Variants in SPRYD3 observed in about 807,000 individuals in gnomAD.
SPRYD3 encodes the protein SPRY domain-containing protein 3.
In SPRYD3, 17 loss-of-function variants were observed where a neutral mutation model predicts 50.1. That is an observed-to-expected ratio of 0.34 (90% CI 0.23 to 0.51). The LOEUF (loss-of-function observed/expected upper bound fraction) is 0.51, where lower values mean the gene tolerates loss of function less well. SPRYD3 is among the 20% of genes least tolerant of loss of function. The pLI, the probability that SPRYD3 is intolerant of heterozygous loss-of-function variation, is 0.97. For missense variants in SPRYD3, 401 were observed against 591.2 expected (o/e 0.68, Z 3.34); for synonymous variants, 198 against 215.5 (o/e 0.92, Z 0.71).
chr12:53,077,102 C>T lies in SPRYD3; in HGVS notation c.170+13G>A. 6.2e-7 allele frequency: 1 copy of T among 1,613,346 alleles called. No homozygotes were observed. ...ACAGAGAAGAAAATGTGGAAGCATT[C>T]TCCTGAACTCACCTTAAAGTATCTC... On this transcript the variant is annotated intron_variant, in intron 2 of 10. Coordinates refer to ENST00000301463, the MANE Select transcript of SPRYD3 (RefSeq NM_032840.3).
intron 6 of SPRYD3, 102 bp downstream of exon 6, chr12:53,073,184 C>T (rs1370222888): frequency 1.3e-5 from 10 of 757,310 alleles, no homozygotes; most frequent in East Asian, 5.5e-5. Flanking sequence ...GACACTGTCC[C>T]GACTCCCCAT....
intron 10 of SPRYD3, 75 bp from the exon 11 acceptor site, chr12:53,066,041 G>A: frequency 1.9e-6 from 3 of 1,539,306 alleles, no homozygotes; most frequent in Non-Finnish European, 1.8e-6. Flanking sequence ...AGCTCCACAG[G>A]CCTGAACCCC....
At chr12:53,071,915 GAAAA>G (rs1415553408) in intron 6 of SPRYD3, among the ~76,000 whole-genome samples, 5 of 151,916 alleles carry the variant, frequency 3.3e-5, no homozygotes, top group Non-Finnish European at 2.9e-5. Flanking sequence ...GTCTAAAAAA[GAAAA>G]ACACTCTTAA....
At chr12:53,073,259 C>CCGGGGGGGGGGGGGGGGGGGGG in intron 6 of SPRYD3, 27 bp downstream of exon 6, 15 of 400,920 alleles carry the variant, frequency 3.7e-5, no homozygotes, top group East Asian at 1.1e-4. Flanking sequence ...CGACCCAGCC[C>CCGGGGGGGGGGGGGGGGGGGGG]CTCCCACCCT....
At chr12:53,079,286 G>A in intron 1 of SPRYD3, 25 bp downstream of exon 1, 5 of 1,600,584 alleles carry the variant, frequency 3.1e-6, no homozygotes, top group Non-Finnish European at 3.4e-6. Flanking sequence ...AGGCCTCCGG[G>A]ACCCCGCCCC....
chr12:53,065,502 C>T lies in SPRYD3; in HGVS notation c.*330G>A, dbSNP rs969989930. 2.8e-5 allele frequency: 8 copies of T among 287,084 alleles called. No homozygotes were observed. Among genetic ancestry groups the T allele is most frequent in the Admixed American group, 1.4e-4 (3 of 21,384 alleles). The allele number at this position is 287,084 out of a possible 1,614,324, so 17.8% of individuals were successfully genotyped here. A position where few individuals can be genotyped will look rare whatever the true frequency, so the allele number is the denominator to read the frequency against. On this transcript the variant is annotated 3_prime_UTR_variant, in exon 11 of 11. Coordinates refer to ENST00000301463, the MANE Select transcript of SPRYD3 (RefSeq NM_032840.3). ...AATAGCAGCTGAGATAGGGTGCTCA[C>T]GCCTCTCCACCCACACAGGGCCGGT...
chr12:53,078,458 C>T (rs963468838), intron 1 of SPRYD3, among the ~76,000 whole-genome samples: 1 of 149,172 alleles, frequency 6.7e-6, no homozygotes, highest in Non-Finnish European at 1.5e-5. Flanking sequence ...CACTGCACTC[C>T]AGCCTGGGTG....
Position 53,066,535 on chromosome 12 carries a change from C to T in SPRYD3, c.1021+38G>A, listed in dbSNP as rs368922837. The T allele has an allele frequency of 1.1e-4, 170 of 1,613,990 alleles. No homozygotes were observed. In the African/African-American group the frequency reaches 2.0e-3, roughly 19 times the overall value. On this transcript the variant is annotated intron_variant, in intron 9 of 10. Coordinates refer to ENST00000301463, the MANE Select transcript of SPRYD3 (RefSeq NM_032840.3). ...TCCTGTGGTGCCTTTCCACCCTCGG[C>T]CCCAAGCAGCCTGGCTGGCCACCCC...
chr12:53,078,896 T>C (rs1397714691), intron 1 of SPRYD3, among the ~76,000 whole-genome samples: 1 of 152,184 alleles, frequency 6.6e-6, no homozygotes, highest in Non-Finnish European at 1.5e-5. Flanking sequence ...TCTTATGCAG[T>C]AGCTACAACC....
rs761904869 is a variant in SPRYD3, at chr12:53,079,365, T to C, written c.-32A>G. 1.9e-5 allele frequency: 30 copies of C among 1,598,206 alleles called. No individual in the cohort carries two copies. Among genetic ancestry groups the C allele is most frequent in the Non-Finnish European group, 2.3e-5 (27 of 1,173,110 alleles). ...GCCTCTCAGCTCCGCACACAAGCTCTTCGGCCGCCGCCACCACACACATCC... is the reference window on the plus strand; with the variant it reads ...GCCTCTCAGCTCCGCACACAAGCTCCTCGGCCGCCGCCACCACACACATCC... On this transcript the variant is annotated 5_prime_UTR_variant, in exon 1 of 11. Coordinates refer to ENST00000301463, the MANE Select transcript of SPRYD3 (RefSeq NM_032840.3).
At chr12:53,071,992 C>T (rs969769553) in intron 6 of SPRYD3, among the ~76,000 whole-genome samples, 1 of 152,098 alleles carries the variant, frequency 6.6e-6, no homozygotes, top group East Asian at 1.9e-4. Context: ...TAAATGTCTA[C>T]AGGATTCTGC....
rs562296488 is a variant in SPRYD3, at chr12:53,074,308, T to C, written c.507+341A>G. The stretch of plus-strand genomic sequence containing the variant: ...TCAAAACCCAAAGAGGACCTCCAGC[T>C]TACATGGCCAGGCCATAATCTTCCC... On this transcript the variant is annotated intron_variant, in intron 5 of 10. Coordinates refer to ENST00000301463, the MANE Select transcript of SPRYD3 (RefSeq NM_032840.3). The surrounding 1 kb of genome is among the most constrained non-coding windows in gnomAD (Gnocchi z 4.6). Among the ~76,000 whole-genome samples, 7 of 152,224 alleles carry C rather than the reference T, an allele frequency of 4.6e-5. No homozygotes were observed. Among genetic ancestry groups the C allele is most frequent in the Non-Finnish European group, 8.8e-5 (6 of 68,036 alleles).
In SPRYD3 at chr12:53,064,417, C is replaced by T. The variant is rs1369957428; in HGVS notation, c.*1415G>A. 1 of 154,854 alleles carries T rather than the reference C, an allele frequency of 6.5e-6. No homozygotes were observed. Among genetic ancestry groups the T allele is most frequent in the Admixed American group, 6.4e-5 (1 of 15,680 alleles). 9.6% of individuals were successfully genotyped at this position (154,854 alleles called of 1,614,324 possible). A position where few individuals can be genotyped will look rare whatever the true frequency, so the allele number is the denominator to read the frequency against. On this transcript the variant is annotated 3_prime_UTR_variant, in exon 11 of 11. Transcript: ENST00000301463. Reference sequence around the variant, plus strand: ...CTTATTCACAGGAAGGTCAAAGCCTCATCTCCCAGGGGACGTATCTGTGCT... The same window carrying T: ...CTTATTCACAGGAAGGTCAAAGCCTTATCTCCCAGGGGACGTATCTGTGCT...
At chr12:53,077,394 T>C in intron 1 of SPRYD3, 133 bp from the exon 2 acceptor site, 1 of 847,202 alleles carries the variant, frequency 1.2e-6, no homozygotes, top group Non-Finnish European at 1.8e-6. Flanking sequence ...AACCCTCATC[T>C]TCTTTCTTCC....
chr12:53,076,813 G>A (rs187385171), intron 2 of SPRYD3, among the ~76,000 whole-genome samples: 1 of 152,280 alleles, frequency 6.6e-6, no homozygotes, highest in Admixed American at 6.5e-5. Context: ...GCCGTATGTG[G>A]TGGTGCACGC....
intron 6 of SPRYD3, among the ~76,000 whole-genome samples, chr12:53,072,208 G>A (rs1944554848): frequency 6.6e-6 from 1 of 152,172 alleles, no homozygotes; most frequent in Non-Finnish European, 1.5e-5. Flanking sequence ...GAGAGTCACG[G>A]AGTGGGCATC....
intron 6 of SPRYD3, among the ~76,000 whole-genome samples, chr12:53,070,643 G>A (rs777016256): frequency 6.6e-6 from 1 of 152,322 alleles, no homozygotes; most frequent in East Asian, 1.9e-4. Context: ...AAACAAGTGG[G>A]AAGACTTAAT....
chr12:53,079,374 C>A lies in SPRYD3; in HGVS notation c.-41G>T. ...CTCCGCACACAAGCTCTTCGGCCGC[C>A]GCCACCACACACATCCGGGTCCCCG... is the stretch of plus-strand genomic sequence containing the variant. On this transcript the variant is annotated 5_prime_UTR_variant, in exon 1 of 11. Coordinates refer to ENST00000301463, the MANE Select transcript of SPRYD3 (RefSeq NM_032840.3). 2 of 1,593,926 alleles carry A rather than the reference C, an allele frequency of 1.3e-6. No individual in the cohort carries two copies. Among genetic ancestry groups the A allele is most frequent in the Non-Finnish European group, 8.5e-7 (1 of 1,170,654 alleles).
In SPRYD3 at chr12:53,067,639, G is replaced by T. The variant is rs775019615; in HGVS notation, c.901+9C>A. 5 of 1,613,496 alleles carry T rather than the reference G, an allele frequency of 3.1e-6. No individual in the cohort carries two copies. The highest frequency in any genetic ancestry group is 2.5e-6 in the Non-Finnish European group (3 of 1,179,620). Reference sequence around the variant, plus strand: ...CCATCCCACCTTTCCCAGGCAGCCCGCTATTCACCTGCATGATAAGCCACA... The same window carrying T: ...CCATCCCACCTTTCCCAGGCAGCCCTCTATTCACCTGCATGATAAGCCACA... On this transcript the variant is annotated intron_variant, in intron 8 of 10. Coordinates refer to ENST00000301463, the MANE Select transcript of SPRYD3 (RefSeq NM_032840.3).
Sources: gnomAD v4.1 joint callset for allele counts (sites outside exome capture counted in the v4.1 genomes callset) on GRCh38, gnomAD v4.1.1 for gene constraint, Gnocchi (gnomAD v3.1) non-coding constraint, MANE v1.5 for transcripts, NCBI Gene and HGNC (gene_info 2026-07-23, HGNC 2026-07-21) for gene names.